STAB1: variants seen among roughly 807,000 people sequenced by gnomAD.
STAB1 encodes stabilin-1.
Under a neutral mutation model 332.4 loss-of-function variants are expected in STAB1, and 250 were observed. That is an observed-to-expected ratio of 0.75 (90% CI 0.68 to 0.84). The LOEUF is 0.84. Ranked by LOEUF, STAB1 falls within the 40% of genes least tolerant of loss-of-function variation. STAB1 has a pLI of 0.00. For missense variants in STAB1, 3,249 were observed against 3,489.7 expected (o/e 0.93, Z 1.74); for synonymous variants, 1,475 against 1,390.4 (o/e 1.06, Z -1.35).
Position 52,514,758 on chromosome 3 carries a change from C to A in STAB1, c.3736C>A (p.Leu1246Met), listed in dbSNP as rs1234721224. 2 of 1,612,972 alleles carry A rather than the reference C, an allele frequency of 1.2e-6. No homozygotes were observed. The highest frequency in any genetic ancestry group is 2.7e-5 in the African/African-American group (2 of 74,938). The part of the protein sequence containing the change: ...GPMLEAPGRS[L>M]IGLSGVLTVG... ...CATGCTGGAGGCCCCTGGCCGCTCG[C>A]TGATTGGTCTGTCGGGGGTCCTGAC... Residue 1246 changes from leucine to methionine, a missense_variant, in exon 35 of 69, where the codon CTG (leucine) becomes ATG (methionine). Physicochemically the swap from Leu to Met is conservative, Grantham distance 15. Transcript: ENST00000321725.
Position 52,521,855 on chromosome 3 carries a change from G to T in STAB1, c.6175G>T (p.Val2059Leu). 1 of 1,599,670 alleles carries T rather than the reference G, an allele frequency of 6.3e-7. No individual in the cohort carries two copies. Among genetic ancestry groups the T allele is most frequent in the Non-Finnish European group, 8.5e-7 (1 of 1,171,934 alleles). ...GCCCTGGGGGACAGAGCTGCAGCCT[G>T]TGTGTACCCCACCCTGTGCACCCGA... ...RCEVQLELQP[V>L]CTPPCAPEAV... Residue 2059 changes from valine (V) to leucine (L), a missense_variant, in exon 58 of 69, where the codon GTG becomes TTG. By Grantham distance (32) the Val-to-Leu change is conservative. Transcript: ENST00000321725.
intron 17 of STAB1, among the ~76,000 whole-genome samples, 160 bp downstream of exon 17, chr3:52,506,410 G>T (rs1231439085): frequency 6.6e-6 from 1 of 152,244 alleles, no homozygotes; most frequent in Non-Finnish European, 1.5e-5. Flanking sequence ...AAATTCCTCT[G>T]CTGGGGCCCA....
chr3:52,505,687 T>C lies in STAB1; in HGVS notation c.1601T>C (p.Ile534Thr), dbSNP rs1708801668. The change falls in exon 15 of 69, where the codon ATC becomes ACC. Residue 534 changes from isoleucine to threonine, a missense_variant. By Grantham distance (89) the Ile-to-Thr change is moderately conservative (BLOSUM62 -1). Coordinates refer to ENST00000321725, the MANE Select transcript of STAB1 (RefSeq NM_015136.3). ...TILENCGLPS[I>T]LDGPGPFTVF... is the part of the protein sequence containing the mutation. ...CCACAGAACTGTGGGCTGCCCTCCA[T>C]CCTGGACGGACCTGGGCCCTTCACA... The C allele has an allele frequency of 6.2e-7, 1 of 1,613,622 alleles. No homozygotes were observed.
In STAB1 at chr3:52,505,872, T is replaced by A. The variant is rs1204140616; in HGVS notation, c.1696-11T>A. 1 of 1,613,646 alleles carries A rather than the reference T, an allele frequency of 6.2e-7. No homozygotes were observed. Among genetic ancestry groups the A allele is most frequent in the Non-Finnish European group, 8.5e-7 (1 of 1,179,930 alleles). ...TCCTCCAGGAGCCAAACCCTCTCTCTCCCCTGCCAGGGTCTCTCTAAACTG... is the reference window on the plus strand; with the variant it reads ...TCCTCCAGGAGCCAAACCCTCTCTCACCCCTGCCAGGGTCTCTCTAAACTG... On this transcript the variant is annotated splice_polypyrimidine_tract_variant and intron_variant, in intron 15 of 68. Transcript: ENST00000321725.
chr3:52,521,846 C>T lies in STAB1; in HGVS notation c.6166C>T (p.Leu2056=). The change falls in exon 58 of 69, where the codon CTG becomes TTG. Residue 2056 remains leucine (L), a splice_region_variant and synonymous_variant. Transcript: ENST00000321725. The part of the protein sequence containing the change: ...TGPRCEVQLE[L]QPVCTPPCAP... ...GGGGGCTGGGCCCTGGGGGACAGAG[C>T]TGCAGCCTGTGTGTACCCCACCCTG... is the stretch of plus-strand genomic sequence containing the variant. The T allele has an allele frequency of 1.3e-6, 2 of 1,596,016 alleles. No homozygotes were observed. The highest frequency in any genetic ancestry group is 1.1e-5 in the South Asian group (1 of 88,188).
chr3:52,524,432 GAGGGGCTGA>G lies in STAB1; in HGVS notation c.*77_*85del. On this transcript the variant is annotated 3_prime_UTR_variant, in exon 69 of 69. Coordinates refer to ENST00000321725, the MANE Select transcript of STAB1 (RefSeq NM_015136.3). ...TTGCTTGTCTGGGTGGATGGGGCAGGAGGGGCTGAGGGCCTGTCCCAGACAATAAAGGTG... is the reference window on the plus strand; with the variant it reads ...TTGCTTGTCTGGGTGGATGGGGCAGGGGGCCTGTCCCAGACAATAAAGGTG... 1 of 1,611,988 alleles carries G rather than the reference GAGGGGCTGA, an allele frequency of 6.2e-7. No homozygotes were observed.
chr3:52,496,166 C>T (rs1708007260), intron 1 of STAB1, among the ~76,000 whole-genome samples: 1 of 152,216 alleles, frequency 6.6e-6, no homozygotes, highest in Non-Finnish European at 1.5e-5. Flanking sequence ...TGATGGCCAT[C>T]CGTGTGTGCT....
chr3:52,509,884 C>T lies in STAB1; in HGVS notation c.2362C>T (p.His788Tyr). 1 of 1,613,064 alleles carries T rather than the reference C, an allele frequency of 6.2e-7. No individual in the cohort carries two copies. Among genetic ancestry groups the T allele is most frequent in the Non-Finnish European group, 8.5e-7 (1 of 1,180,028 alleles). The change falls in exon 23 of 69, where the codon CAT (histidine) becomes TAT (tyrosine). Residue 788 changes from histidine (H) to tyrosine (Y), a missense_variant. By Grantham distance (83) the His-to-Tyr change is moderately conservative. Transcript: ENST00000321725. Reference protein sequence around the residue: ...EQCQEDCGCVHGLCDNRPGSG... With the variant: ...EQCQEDCGCVYGLCDNRPGSG... Reference sequence around the variant, plus strand: ...ACTCCATACAGACTGCGGCTGTGTCCATGGTCTCTGCGACAACCGCCCAGG... The same window carrying T: ...ACTCCATACAGACTGCGGCTGTGTCTATGGTCTCTGCGACAACCGCCCAGG...
chr3:52,520,728 T>C, intron 54 of STAB1, 30 bp downstream of exon 54: 2 of 416,324 alleles, frequency 4.8e-6, no homozygotes, highest in Non-Finnish European at 3.6e-6. Context: ...GTGGGGGTGG[T>C]GGGGTGGGGG....
At chr3:52,519,850 G>T in intron 50 of STAB1, 94 bp from the exon 51 acceptor site, 1 of 1,425,154 alleles carries the variant, frequency 7.0e-7, no homozygotes, top group African/African-American at 1.4e-5. Flanking sequence ...GGGTGAGTGT[G>T]GAGCCCCTTC....
chr3:52,506,429 T>TA (rs565206536), intron 17 of STAB1, among the ~76,000 whole-genome samples, 179 bp downstream of exon 17: 118 of 152,148 alleles, frequency 7.8e-4, no homozygotes, highest in African/African-American at 2.7e-3. Flanking sequence ...CAATGAGAGT[T>TA]AAGGGGGAGG....
chr3:52,497,762 T>C (rs567499503), intron 1 of STAB1, among the ~76,000 whole-genome samples: 2 of 152,310 alleles, frequency 1.3e-5, no homozygotes, highest in Admixed American at 6.5e-5. Context: ...TTTTGGTATC[T>C]GAGGAGGGTC....
At chr3:52,506,122 AAGGTATGGCCAGAGCCC>A (rs764172682) in intron 16 of STAB1, 31 bp from the exon 17 acceptor site, 6 of 1,581,210 alleles carry the variant, frequency 3.8e-6, no homozygotes, top group Non-Finnish European at 5.2e-6. Context: ...GCGTGGCCCC[AAGGTATGGCCAGAGCCC>A]AGCCTAAAGC....
rs150996149 is a variant in STAB1 at position 52,515,492 on chromosome 3, G to A, written c.3934G>A (p.Ala1312Thr). The change falls in exon 37 of 69, where the codon GCC becomes ACC. Residue 1312 changes from alanine to threonine, a missense_variant. Physicochemically the swap from Ala to Thr is moderately conservative, Grantham distance 58. Coordinates refer to ENST00000321725, the MANE Select transcript of STAB1 (RefSeq NM_015136.3). ...CTCCCGGGGCTGCTCTTACACATGTGCCAAGAAGATCCAGGTTTGCCCTGA... is the reference window on the plus strand; with the variant it reads ...CTCCCGGGGCTGCTCTTACACATGTACCAAGAAGATCCAGGTTTGCCCTGA... ...SFSRGCSYTC[A>T]KKIQVPDCCP... The A allele has an allele frequency of 1.9e-6, 3 of 1,613,252 alleles. No homozygotes were observed. Among genetic ancestry groups the A allele is most frequent in the African/African-American group, 2.7e-5 (2 of 74,918 alleles).
rs372724948 is a variant in STAB1 at position 52,523,111 on chromosome 3, G to A, written c.6997G>A (p.Ala2333Thr). The change falls in exon 63 of 69, where the codon GCC becomes ACC. Residue 2333 changes from alanine to threonine, a missense_variant. Coordinates refer to ENST00000321725, the MANE Select transcript of STAB1 (RefSeq NM_015136.3). ...GKLLDVLAAT[A>T]NFSTFYGMLL... ...GCTGCTGGATGTGCTGGCTGCCACT[G>A]CCAACTTCTCCACCTTCTATGGGGT... The A allele has an allele frequency of 5.8e-5, 92 of 1,580,068 alleles. No individual in the cohort carries two copies. The highest frequency in any genetic ancestry group is 7.5e-5 in the Non-Finnish European group (87 of 1,161,826).
chr3:52,513,839 C>T (rs761262753), intron 31 of STAB1, 44 bp from the exon 32 acceptor site: 8 of 1,612,838 alleles, frequency 5.0e-6, no homozygotes, highest in Non-Finnish European at 6.8e-6. Flanking sequence ...GCAGGCAGGC[C>T]GTGAAGCAAT....
chr3:52,509,920 G>T lies in STAB1; in HGVS notation c.2398G>T (p.Val800Leu). 1 of 1,613,056 alleles carries T rather than the reference G, an allele frequency of 6.2e-7. No individual in the cohort carries two copies. Among genetic ancestry groups the T allele is most frequent in the South Asian group, 1.1e-5 (1 of 91,072 alleles). Reference sequence around the variant, plus strand: ...CGACAACCGCCCAGGCAGTGGGGGGGTGTGCCAGCAGGGCACGTGTGCCCC... The same window carrying T: ...CGACAACCGCCCAGGCAGTGGGGGGTTGTGCCAGCAGGGCACGTGTGCCCC... ...LCDNRPGSGG[V>L]CQQGTCAPGF... The change falls in exon 23 of 69, where the codon GTG (valine) becomes TTG (leucine). Residue 800 changes from valine to leucine, a missense_variant. By Grantham distance (32) the Val-to-Leu change is conservative (BLOSUM62 1). Transcript: ENST00000321725.
Position 52,505,352 on chromosome 3 carries a change from G to C in STAB1, c.1552G>C (p.Ala518Pro), listed in dbSNP as rs2153233160. ...CGGACAGATCCTCGCCTCTACCGAG[G>C]CCTTCAGCCGCTTTGAAACCATCCT... ...TIGQILASTE[A>P]FSRFETILEN... Residue 518 changes from alanine (A) to proline (P), a missense_variant, in exon 14 of 69, where the codon GCC (alanine) becomes CCC (proline). Physicochemically the swap from Ala to Pro is conservative, Grantham distance 27. Transcript: ENST00000321725. 6.2e-7 allele frequency: 1 copy of C among 1,613,634 alleles called. No individual in the cohort carries two copies. Among genetic ancestry groups the C allele is most frequent in the East Asian group, 2.2e-5 (1 of 44,876 alleles).
rs747392894 is a variant in STAB1, at chr3:52,513,810, G to A, written c.3348+16G>A. ...CCTCAGCCAGGTACAGCAGGAGGAG[G>A]GTGTGTGCAGGGAAACTTGCAGGCA... On this transcript the variant is annotated intron_variant, in intron 31 of 68. Transcript: ENST00000321725. 11 of 1,613,350 alleles carry A rather than the reference G, an allele frequency of 6.8e-6. No homozygotes were observed. Among genetic ancestry groups the A allele is most frequent in the Admixed American group, 3.3e-5 (2 of 60,032 alleles).
Sources: allele counts gnomAD v4.1 joint callset (sites outside exome capture counted in the v4.1 genomes callset), GRCh38; gene constraint gnomAD v4.1.1; transcripts MANE v1.5; gene names NCBI Gene and HGNC (gene_info 2026-07-23, HGNC 2026-07-21).